Variants in BMP6 observed in about 807,000 individuals in gnomAD.
BMP6 encodes VG-1-R.
In BMP6, 17 loss-of-function variants were observed where a neutral mutation model predicts 54.1. The ratio of observed to expected loss-of-function variants is 0.31; its 90% CI spans 0.22 to 0.47. The LOEUF is 0.47. Ranked by LOEUF, BMP6 falls within the 20% of genes least tolerant of loss-of-function variation. The pLI is 1.00. For synonymous variants in BMP6, 328 were observed against 291.2 expected (o/e 1.13, Z -1.28); for missense variants, 720 against 690.4 (o/e 1.04, Z -0.48).
At chr6:7,768,946 C>G (rs367769402) in intron 1 of BMP6, among the ~76,000 whole-genome samples, 1 of 152,192 alleles carries the variant, frequency 6.6e-6, no homozygotes. Context: ...AGAGACTGAA[C>G]CTTAACCAAT....
At chr6:7,848,155 A>G (rs1391648324) in intron 2 of BMP6, among the ~76,000 whole-genome samples, 2 of 152,186 alleles carry the variant, frequency 1.3e-5, no homozygotes, top group East Asian at 1.9e-4. Flanking sequence ...AATTGAAACT[A>G]TATTTGTAAA....
At chr6:7,842,180 G>A (rs1039388486) in intron 1 of BMP6, among the ~76,000 whole-genome samples, 4 of 151,972 alleles carry the variant, frequency 2.6e-5, no homozygotes, top group Non-Finnish European at 5.9e-5. Context: ...AAACAACAAC[G>A]AGTTACCATC....
At chr6:7,767,875 T>C (rs1211927935) in intron 1 of BMP6, among the ~76,000 whole-genome samples, 1 of 152,076 alleles carries the variant, frequency 6.6e-6, no homozygotes, top group African/African-American at 2.4e-5. Context: ...TTTGGTGAAG[T>C]GGAGGTAAGG....
In BMP6 at chr6:7,747,356, C is replaced by T. The variant is rs148137392; in HGVS notation, c.664+19737C>T. 5.1e-4 allele frequency among the ~76,000 whole-genome samples: 77 copies of T among 152,212 alleles called. 1 individual carries two copies. Among genetic ancestry groups the T allele is most frequent in the Admixed American group, 4.8e-3 (73 of 15,286 alleles). ...CCCTTATAAACACAGAAGAGGAAGG[C>T]AGAAGAATCAGAGGGATTTGATGGA... On this transcript the variant is annotated intron_variant, in intron 1 of 6. Transcript: ENST00000283147.
At chr6:7,854,125 A>C (rs910642200) in intron 2 of BMP6, among the ~76,000 whole-genome samples, 1 of 152,232 alleles carries the variant, frequency 6.6e-6, no homozygotes, top group African/African-American at 2.4e-5. Context: ...CTGCTTATCT[A>C]CTTGGTAAAC....
chr6:7,730,573 C>T (rs1761835788), intron 1 of BMP6, among the ~76,000 whole-genome samples: 1 of 152,160 alleles, frequency 6.6e-6, no homozygotes. Context: ...GCCAATGAAG[C>T]AATTCTATTT....
At chr6:7,768,267 TCCTGGAAGTAAAACTTGTGAAAG>T (rs1410381696) in intron 1 of BMP6, among the ~76,000 whole-genome samples, 2 of 152,186 alleles carry the variant, frequency 1.3e-5, no homozygotes, top group African/African-American at 2.4e-5. Flanking sequence ...CTGGTCCAGC[TCCTGGAAGTAAAACTTGTGAAAG>T]CATGCCCCTC....
At chr6:7,858,084 C>T (rs546667462) in intron 2 of BMP6, among the ~76,000 whole-genome samples, 7 of 151,976 alleles carry the variant, frequency 4.6e-5, no homozygotes, top group Non-Finnish European at 7.4e-5. Context: ...CACTGGTGAT[C>T]GATTTATTTA....
In BMP6 at chr6:7,754,919, C is replaced by T. The variant is rs940867802; in HGVS notation, c.664+27300C>T. Among the ~76,000 whole-genome samples, 47 of 152,216 alleles carry T rather than the reference C, an allele frequency of 3.1e-4. 1 individual carries two copies. The highest frequency in any genetic ancestry group is 9.6e-4 in the African/African-American group (40 of 41,534). ...ATTTTTAGTAGAGACCGGGTTTCAC[C>T]GTGTTCTCCAGGATGATCTCCATCT... On this transcript the variant is annotated intron_variant, in intron 1 of 6. Coordinates refer to ENST00000283147, the MANE Select transcript of BMP6 (RefSeq NM_001718.6).
intron 1 of BMP6, among the ~76,000 whole-genome samples, chr6:7,735,254 T>C (rs1274306590): frequency 1.3e-5 from 2 of 152,248 alleles, no homozygotes; most frequent in African/African-American, 2.4e-5. Context: ...TTTACAGTCC[T>C]GTTGGTTTCC....
At chr6:7,824,304 G>C (rs1758658992) in intron 1 of BMP6, among the ~76,000 whole-genome samples, 1 of 152,138 alleles carries the variant, frequency 6.6e-6, no homozygotes, top group Non-Finnish European at 1.5e-5. Flanking sequence ...GATCTTTCCA[G>C]GGCCACTTTG....
chr6:7,862,559 T>C, intron 4 of BMP6, 61 bp downstream of exon 4: 1 of 1,593,616 alleles, frequency 6.3e-7, no homozygotes, highest in Non-Finnish European at 8.6e-7. Context: ...AGAACAAAAG[T>C]TGTGTCCACA....
At chr6:7,817,663 T>C (rs1168567320) in intron 1 of BMP6, among the ~76,000 whole-genome samples, 3 of 151,888 alleles carry the variant, frequency 2.0e-5, no homozygotes, top group African/African-American at 7.3e-5. Context: ...ACATGGCACA[T>C]GTATACATAT....
intron 1 of BMP6, among the ~76,000 whole-genome samples, chr6:7,806,213 T>C (rs1362837360): frequency 1.3e-5 from 2 of 152,252 alleles, no homozygotes; most frequent in Non-Finnish European, 2.9e-5. Context: ...CCCTCACACA[T>C]AGCAGATCAG....
chr6:7,776,633 A>T (rs1002008092), intron 1 of BMP6, among the ~76,000 whole-genome samples: 2 of 150,928 alleles, frequency 1.3e-5, no homozygotes, highest in African/African-American at 2.4e-5. Context: ...TCAAATTAAG[A>T]GAGTATTAGG....
chr6:7,731,099 A>G (rs1761848349), intron 1 of BMP6, among the ~76,000 whole-genome samples: 1 of 152,190 alleles, frequency 6.6e-6, no homozygotes, highest in South Asian at 2.1e-4. Flanking sequence ...GACTGTTTCA[A>G]ACTCTTTCTG....
intron 1 of BMP6, among the ~76,000 whole-genome samples, chr6:7,763,897 T>C (rs1194553848): frequency 6.6e-6 from 1 of 152,162 alleles, no homozygotes; most frequent in Non-Finnish European, 1.5e-5. Context: ...CAAGGACCAA[T>C]ATATTGTGTA....
At position 7,820,070 on chromosome 6, in the gene BMP6, A is replaced by G. The variant is rs1395880381; in HGVS notation, c.665-25070A>G. ...TACAAATAGAATGTACTTAGTATGA[A>G]GAATTTATAAAATAGAGATAACCAA... On this transcript the variant is annotated intron_variant, in intron 1 of 6. Transcript: ENST00000283147. Among the ~76,000 whole-genome samples the G allele has an allele frequency of 3.9e-5, 6 of 152,350 alleles. No individual in the cohort carries two copies. In the East Asian group the frequency reaches 7.7e-4, roughly 20 times the overall value.
chr6:7,773,001 A>G (rs1025939963), intron 1 of BMP6, among the ~76,000 whole-genome samples: 1 of 152,108 alleles, frequency 6.6e-6, no homozygotes, highest in Non-Finnish European at 1.5e-5. Flanking sequence ...TCTGAGGGCA[A>G]TTTTCTCTTA....
Sources: allele counts gnomAD v4.1 joint callset (sites outside exome capture counted in the v4.1 genomes callset), GRCh38; gene constraint gnomAD v4.1.1; transcripts MANE v1.5; gene names NCBI Gene and HGNC (gene_info 2026-07-23, HGNC 2026-07-21).